TRAT1: variants seen among roughly 807,000 people sequenced by gnomAD.
TRAT1 encodes T cell receptor associated transmembrane adaptor 1.
In TRAT1, 20 loss-of-function variants were observed where a neutral mutation model predicts 20.0. The observed-to-expected ratio is 1.00, with a 90% confidence interval of 0.70 to 1.45. The LOEUF (loss-of-function observed/expected upper bound fraction) is 1.45. Ranked by LOEUF, TRAT1 falls within the 40% of genes most tolerant of loss-of-function variation. The probability of loss-of-function intolerance (pLI) is 0.00; values close to 1 mark genes in which losing one functional copy is unlikely to be tolerated. For missense variants in TRAT1, 237 were observed against 224.1 expected, an observed-to-expected ratio of 1.06 and a Z score of -0.37; for synonymous variants, 77 against 74.2, an observed-to-expected ratio of 1.04 and a Z score of -0.20.
At chr3:108,823,770 A>G (rs956425912) in intron 1 of TRAT1, among the ~76,000 whole-genome samples, 1 of 152,186 alleles carries the variant, frequency 6.6e-6, no homozygotes, top group Non-Finnish European at 1.5e-5. Context: ...CTTTTAATAT[A>G]ACTTCTGCAT....
chr3:108,851,171 AG>A (rs1486566743), intron 5 of TRAT1, among the ~76,000 whole-genome samples: 1 of 152,250 alleles, frequency 6.6e-6, no homozygotes, highest in Non-Finnish European at 1.5e-5. Flanking sequence ...CAACCACAAA[AG>A]CATAAGGAAC....
chr3:108,828,958 A>T (rs1308201660), intron 1 of TRAT1, among the ~76,000 whole-genome samples: 1 of 152,272 alleles, frequency 6.6e-6, no homozygotes, highest in Admixed American at 6.5e-5. Context: ...GTAGTTTCAC[A>T]CAGGCAAGGT....
intron 5 of TRAT1, among the ~76,000 whole-genome samples, chr3:108,851,064 T>A (rs1213327637): frequency 6.6e-6 from 1 of 152,364 alleles, no homozygotes; most frequent in East Asian, 1.9e-4. Flanking sequence ...AGAGGTAATA[T>A]CTTCGTATTT....
chr3:108,828,835 G>A (rs114183161), intron 1 of TRAT1, among the ~76,000 whole-genome samples: 19 of 152,282 alleles, frequency 1.2e-4, no homozygotes, highest in African/African-American at 4.3e-4. Flanking sequence ...AATGGTCGGC[G>A]AGATGGAAGC....
chr3:108,847,267 A>G, intron 4 of TRAT1, 138 bp downstream of exon 4: 1 of 546,252 alleles, frequency 1.8e-6, no homozygotes, highest in Non-Finnish European at 3.2e-6. Flanking sequence ...CTTTTAGTAT[A>G]TTAATTAGGC....
At chr3:108,837,477 TA>T (rs1199312857) in intron 2 of TRAT1, among the ~76,000 whole-genome samples, 4 of 152,236 alleles carry the variant, frequency 2.6e-5, no homozygotes, top group Admixed American at 6.5e-5. Flanking sequence ...CTCTGGAGAA[TA>T]ACTCAACTTT....
At position 108,822,787 on chromosome 3, in the gene TRAT1, G is replaced by A; in HGVS notation, c.-141G>A. ...GAAACAGAAGAGAAAAGAATCCGAG[G>A]CACAGATAAAGATAAGTTTTACTGT... On this transcript the variant is annotated 5_prime_UTR_variant, in exon 1 of 6. Coordinates refer to ENST00000295756, the MANE Select transcript of TRAT1 (RefSeq NM_016388.4). 3 of 597,018 alleles carry A rather than the reference G, an allele frequency of 5.0e-6. No homozygotes were observed. Among genetic ancestry groups the A allele is most frequent in the Non-Finnish European group, 6.0e-6 (2 of 335,480 alleles). The allele number at this position is 597,018 out of a possible 1,614,324, so 37.0% of individuals were successfully genotyped here.
chr3:108,829,006 A>G (rs1221851159), intron 1 of TRAT1, among the ~76,000 whole-genome samples: 1 of 152,186 alleles, frequency 6.6e-6, no homozygotes, highest in Non-Finnish European at 1.5e-5. Flanking sequence ...TCATCCCTTC[A>G]GCATCTGATG....
At position 108,847,370 on chromosome 3, in the gene TRAT1, T is replaced by C. The variant is rs112248898; in HGVS notation, c.214+241T>C. On this transcript the variant is annotated intron_variant, in intron 4 of 5. Coordinates refer to ENST00000295756, the MANE Select transcript of TRAT1 (RefSeq NM_016388.4). ...CTATATTCTCTTCATTTCACTCTAG[T>C]AGTAATGAGAATACAGGAAGACTAT... is the stretch of plus-strand genomic sequence containing the variant. 2.1e-3 allele frequency: 777 copies of C among 376,502 alleles called. 5 individuals carry two copies. Among genetic ancestry groups the C allele is most frequent in the African/African-American group, 0.015 (714 of 47,314 alleles). 23.3% of individuals were successfully genotyped at this position (376,502 alleles called of 1,614,324 possible).
rs773819735 is a variant in TRAT1, at chr3:108,838,965, C to G, written c.150C>G (p.Thr50=). 1 of 1,605,838 alleles carries G rather than the reference C, an allele frequency of 6.2e-7. No homozygotes were observed. Among genetic ancestry groups the G allele is most frequent in the South Asian group, 1.1e-5 (1 of 90,812 alleles). ...DKMYSYSSDH[T]RVDEYYIEDT... ...TGTACAGCTACTCCAGTGACCACAC[C>G]AGGTATGTTGTGATTCAGTCATGGA... The change falls in exon 3 of 6, where the codon ACC becomes ACG. Residue 50 remains threonine (T), a splice_region_variant and synonymous_variant. Transcript: ENST00000295756.
intron 5 of TRAT1, among the ~76,000 whole-genome samples, chr3:108,853,284 G>T (rs1269829030): frequency 6.6e-6 from 1 of 152,066 alleles, no homozygotes; most frequent in African/African-American, 2.4e-5. Flanking sequence ...ATCGTTACTT[G>T]GTAAGAGCGA....
chr3:108,839,084 A>G (rs758702567), intron 3 of TRAT1, 117 bp downstream of exon 3: 9 of 798,878 alleles, frequency 1.1e-5, no homozygotes, highest in Non-Finnish European at 1.9e-5. Context: ...TGAAATGAAA[A>G]GTGAGTTTTA....
At chr3:108,830,550 C>T (rs1343229742) in intron 1 of TRAT1, 120 bp from the exon 2 acceptor site, 15 of 646,062 alleles carry the variant, frequency 2.3e-5, no homozygotes, top group Admixed American at 7.9e-5. Context: ...ATTAGTTTCC[C>T]GGTAGAGACT....
rs114603752 is a variant in TRAT1 at position 108,825,278 on chromosome 3, C to T, written c.7+2344C>T. 4.8e-3 allele frequency among the ~76,000 whole-genome samples: 726 copies of T among 152,218 alleles called. 7 individuals carry two copies. Among genetic ancestry groups the T allele is most frequent in the African/African-American group, 0.016 (681 of 41,544 alleles). On this transcript the variant is annotated intron_variant, in intron 1 of 5. Transcript: ENST00000295756. ...TATATGCCTGTAGTCACTGCATCATCCATAATGTTCTGGTATCATAATTCC... is the reference window on the plus strand; with the variant it reads ...TATATGCCTGTAGTCACTGCATCATTCATAATGTTCTGGTATCATAATTCC...
intron 5 of TRAT1, 62 bp from the exon 6 acceptor site, chr3:108,853,558 A>T: frequency 6.5e-7 from 1 of 1,546,616 alleles, no homozygotes; most frequent in Non-Finnish European, 8.7e-7. Flanking sequence ...CGCCACAGAA[A>T]TTTCCAGAAG....
intron 2 of TRAT1, among the ~76,000 whole-genome samples, chr3:108,837,389 T>C (rs1284873450): frequency 1.3e-5 from 2 of 152,244 alleles, no homozygotes; most frequent in African/African-American, 4.8e-5. Context: ...CATTGACATG[T>C]GACATGTCCG....
In TRAT1 at chr3:108,854,256, G is replaced by A. The variant is rs540625575; in HGVS notation, c.*379G>A. On this transcript the variant is annotated 3_prime_UTR_variant, in exon 6 of 6. Coordinates refer to ENST00000295756, the MANE Select transcript of TRAT1 (RefSeq NM_016388.4). ...TAAGCATGAATGTGTTCTGGAACAC[G>A]TTAGAAGAAAAATAAAAGCCAATGA... 1.1e-4 allele frequency: 17 copies of A among 160,656 alleles called. No homozygotes were observed. The highest frequency in any genetic ancestry group is 7.7e-4 in the South Asian group (4 of 5,162). The allele number at this position is 160,656 out of a possible 1,614,324, so 10.0% of individuals were successfully genotyped here. A position where few individuals can be genotyped will look rare whatever the true frequency, so the allele number is the denominator to read the frequency against.
intron 1 of TRAT1, among the ~76,000 whole-genome samples, chr3:108,829,634 T>C (rs994223639): frequency 2.5e-5 from 3 of 121,890 alleles, no homozygotes; most frequent in Non-Finnish European, 5.6e-5. Context: ...TGGTCGATGA[T>C]TGACCACATA....
chr3:108,847,304 G>C, intron 4 of TRAT1, 175 bp downstream of exon 4: 1 of 491,658 alleles, frequency 2.0e-6, no homozygotes. Flanking sequence ...CATATTGTAA[G>C]TTGTATTACA....
Sources: gnomAD v4.1 joint callset for allele counts (sites outside exome capture counted in the v4.1 genomes callset) on GRCh38, gnomAD v4.1.1 for gene constraint, MANE v1.5 for transcripts, NCBI Gene and HGNC (gene_info 2026-07-23, HGNC 2026-07-21) for gene names.